Variants in PGAM5 observed in about 807,000 individuals in gnomAD.
PGAM5 encodes the protein PGAM family member 5, mitochondrial serine/threonine protein phosphatase, also known as serine/threonine-protein phosphatase PGAM5, mitochondrial.
Under a neutral mutation model 30.6 loss-of-function variants are expected in PGAM5, and 25 were observed. That is an observed-to-expected ratio of 0.82 (90% CI 0.60 to 1.14). PGAM5 has a LOEUF of 1.14. PGAM5 is among the 50% of genes most tolerant of loss of function. The probability of loss-of-function intolerance (pLI) is 0.00; values close to 1 mark genes in which losing one functional copy is unlikely to be tolerated. For synonymous variants in PGAM5, 201 were observed against 179.1 expected, an observed-to-expected ratio of 1.12 and a Z score of -0.98; for missense variants, 384 against 408.5, an observed-to-expected ratio of 0.94 and a Z score of 0.52.
intron 2 of PGAM5, 45 bp downstream of exon 2, chr12:132,715,081 G>C (rs1565998426): frequency 6.7e-7 from 1 of 1,491,204 alleles, no homozygotes; most frequent in East Asian, 2.6e-5. Flanking sequence ...GTGGTTATGT[G>C]GCCAGGTGCA....
At chr12:132,716,320 T>C (rs1449981330) in intron 2 of PGAM5, among the ~76,000 whole-genome samples, 2 of 151,774 alleles carry the variant, frequency 1.3e-5, no homozygotes, top group South Asian at 2.1e-4. Flanking sequence ...CTCCTGACCT[T>C]GTGATCCACC....
intron 1 of PGAM5, chr12:132,711,742 A>G (rs1220760666): frequency 1.3e-5 from 2 of 151,854 alleles, no homozygotes; most frequent in Admixed American, 1.3e-4. Context: ...GTGAGCCGAG[A>G]TCCCGCCACT....
At position 132,717,958 on chromosome 12, in the gene PGAM5, G is replaced by A. The variant is rs781240016; in HGVS notation, c.586-29G>A. 6.2e-6 allele frequency: 10 copies of A among 1,612,108 alleles called. No individual in the cohort carries two copies. In the Admixed American group the frequency reaches 6.7e-5, roughly 11 times the overall value. ...ACACCCGCCCTGCCCGAGCACTTCC[G>A]CACTGACGGCTCCTCACTCTGCCCC... On this transcript the variant is annotated intron_variant, in intron 4 of 5. Transcript: ENST00000498926.
chr12:132,720,870 C>T lies in PGAM5; in HGVS notation c.*42C>T, dbSNP rs1270617828. ...TTCCCTCTGTCCTCCCTGCACAGGC[C>T]GCACACACTTAACGTTTTGTTCCCA... On this transcript the variant is annotated 3_prime_UTR_variant, in exon 6 of 6. Coordinates refer to ENST00000498926, the MANE Select transcript of PGAM5 (RefSeq NM_001170543.2). 1.6e-5 allele frequency: 25 copies of T among 1,518,398 alleles called. No individual in the cohort carries two copies. The highest frequency in any genetic ancestry group is 2.8e-5 in the African/African-American group (2 of 72,570). 94.1% of individuals were successfully genotyped at this position (1,518,398 alleles called of 1,614,324 possible). A position where few individuals can be genotyped will look rare whatever the true frequency, so the allele number is the denominator to read the frequency against.
intron 5 of PGAM5, among the ~76,000 whole-genome samples, chr12:132,719,644 G>A (rs558371137): frequency 1.2e-4 from 18 of 152,368 alleles, no homozygotes; most frequent in African/African-American, 4.1e-4. Context: ...TAACCGGGGC[G>A]GGAGAGTGGA....
chr12:132,715,139 A>C, intron 2 of PGAM5, 103 bp downstream of exon 2: 1 of 1,246,224 alleles, frequency 8.0e-7, no homozygotes. Flanking sequence ...TCCTCCGCCG[A>C]CCCCCTTGGT....
chr12:132,718,700 C>T lies in PGAM5; in HGVS notation c.719+580C>T, dbSNP rs1446276401. ...TGGTTGTTTTCCCTTTGTAATTGAA[C>T]GTCCTGTTTCCCCTCAAACTCGACC... On this transcript the variant is annotated intron_variant, in intron 5 of 5. Transcript: ENST00000498926. 29 of 1,559,080 alleles carry T rather than the reference C, an allele frequency of 1.9e-5. No individual in the cohort carries two copies. In the Middle Eastern group the frequency reaches 5.0e-4, roughly 27 times the overall value.
intron 2 of PGAM5, 74 bp from the exon 3 acceptor site, chr12:132,717,365 C>CGTGTTTGT: frequency 7.5e-7 from 1 of 1,339,956 alleles, no homozygotes; most frequent in Non-Finnish European, 9.8e-7. Flanking sequence ...GGCGTGTTTG[C>CGTGTTTGT]GGGCGGAGGA....
At chr12:132,719,604 G>C (rs1042716552) in intron 5 of PGAM5, among the ~76,000 whole-genome samples, 3 of 152,366 alleles carry the variant, frequency 2.0e-5, no homozygotes, top group Non-Finnish European at 4.4e-5. Flanking sequence ...GTCACCCCGA[G>C]GTGACACAAA....
chr12:132,711,713 G>A (rs2043524487), intron 1 of PGAM5: 1 of 151,926 alleles, frequency 6.6e-6, no homozygotes, highest in African/African-American at 2.4e-5. Flanking sequence ...TTGAGTCCAG[G>A]GGTCCCAGGC....
chr12:132,715,170 G>A, intron 2 of PGAM5, 134 bp downstream of exon 2: 5 of 876,146 alleles, frequency 5.7e-6, no homozygotes, highest in Non-Finnish European at 8.6e-6. Context: ...GAAAGTGCTT[G>A]GGGCACTGGG....
chr12:132,722,417 A>AT lies in PGAM5; in HGVS notation c.*1595dup, dbSNP rs1325840044. On this transcript the variant is annotated 3_prime_UTR_variant, in exon 6 of 6. Transcript: ENST00000498926. The stretch of plus-strand genomic sequence containing the variant: ...AGGCGCCCACCACCATGCCTGGCTA[A>AT]TTTTTTATTTTTAGTAGAGATGGGG... 1 of 151,624 alleles carries AT rather than the reference A, an allele frequency of 6.6e-6. No individual in the cohort carries two copies. The highest frequency in any genetic ancestry group is 1.5e-5 in the Non-Finnish European group (1 of 67,944). 9.4% of individuals were successfully genotyped at this position (151,624 alleles called of 1,614,324 possible). A position where few individuals can be genotyped will look rare whatever the true frequency, so the allele number is the denominator to read the frequency against.
Position 132,721,432 on chromosome 12 carries a change from T to G in PGAM5, c.*604T>G, listed in dbSNP as rs2043643539. On this transcript the variant is annotated 3_prime_UTR_variant, in exon 6 of 6. Transcript: ENST00000498926. ...CAACATAGCGAGACCCTGTCTCTACTAAAAATACAGAACTTAGCTGGGTGT... is the reference window on the plus strand; with the variant it reads ...CAACATAGCGAGACCCTGTCTCTACGAAAAATACAGAACTTAGCTGGGTGT... 1 of 152,208 alleles carries G rather than the reference T, an allele frequency of 6.6e-6. No homozygotes were observed. The highest frequency in any genetic ancestry group is 1.5e-5 in the Non-Finnish European group (1 of 68,068). 9.4% of individuals were successfully genotyped at this position (152,208 alleles called of 1,614,324 possible). A position where few individuals can be genotyped will look rare whatever the true frequency, so the allele number is the denominator to read the frequency against.
intron 5 of PGAM5, among the ~76,000 whole-genome samples, chr12:132,720,389 G>A (rs1163347017): frequency 6.6e-6 from 1 of 150,828 alleles, no homozygotes; most frequent in East Asian, 2.0e-4. Context: ...CTCACTGCAA[G>A]CTCCGCCTCC....
At chr12:132,715,137 C>T (rs146058796) in intron 2 of PGAM5, 101 bp downstream of exon 2, 27 of 1,264,422 alleles carry the variant, frequency 2.1e-5, no homozygotes, top group East Asian at 5.1e-5. Flanking sequence ...GGTCCTCCGC[C>T]GACCCCCTTG....
In PGAM5 at chr12:132,720,756, C is replaced by A; in HGVS notation, c.798C>A (p.Pro266=). The change falls in exon 6 of 6, where the codon CCC becomes CCA. Residue 266 remains proline, a synonymous_variant. Transcript: ENST00000498926. ...GCATCACCCACCTGGTGATCCGACC[C>A]AACGGCCGAGTTGCGCTCAGGACCC... ...NGSITHLVIR[P]NGRVALRTLG... 6.5e-7 allele frequency: 1 copy of A among 1,536,428 alleles called. No individual in the cohort carries two copies.
intron 5 of PGAM5, chr12:132,718,725 C>T: frequency 6.2e-7 from 1 of 1,610,666 alleles, no homozygotes; most frequent in Non-Finnish European, 8.5e-7. Context: ...CAAACTCGAC[C>T]AACCACCTTC....
At position 132,720,582 on chromosome 12, in the gene PGAM5, A is replaced by C. The variant is rs950258634; in HGVS notation, c.720-96A>C. 1.1e-4 allele frequency: 143 copies of C among 1,309,174 alleles called. No individual in the cohort carries two copies. The African/African-American group carries it at 1.6e-3, about 15-fold the overall frequency. The allele number at this position is 1,309,174 out of a possible 1,614,324, so 81.1% of individuals were successfully genotyped here. ...TGGCCTCCCAAAGTGCTGGGATTAC[A>C]GGTGTGAGCCACCATGCCCGGCCTA... On this transcript the variant is annotated intron_variant, in intron 5 of 5. Transcript: ENST00000498926.
chr12:132,718,108 A>G lies in PGAM5; in HGVS notation c.707A>G (p.Tyr236Cys). 3 of 1,612,688 alleles carry G rather than the reference A, an allele frequency of 1.9e-6. No homozygotes were observed. Among genetic ancestry groups the G allele is most frequent in the Non-Finnish European group, 1.7e-6 (2 of 1,179,956 alleles). ...IFICHANVIR[Y>C]IVCRALQFPP... The stretch of plus-strand genomic sequence containing the variant: ...ATCTGTCACGCCAACGTCATCCGCT[A>G]CATCGTGTGCAGGTAGGCAGCTGCT... Residue 236 changes from tyrosine (Y) to cysteine (C), a missense_variant, in exon 5 of 6, where the codon TAC (tyrosine) becomes TGC (cysteine). By Grantham distance (194) the Tyr-to-Cys change is radical. Coordinates refer to ENST00000498926, the MANE Select transcript of PGAM5 (RefSeq NM_001170543.2).
Sources: gnomAD v4.1 joint callset for allele counts (sites outside exome capture counted in the v4.1 genomes callset) on GRCh38, gnomAD v4.1.1 for gene constraint, MANE v1.5 for transcripts, NCBI Gene and HGNC (gene_info 2026-07-23, HGNC 2026-07-21) for gene names.